Variants in MIA2 observed in about 807,000 individuals in gnomAD.
The protein encoded by MIA2 is melanoma inhibitory activity protein 2.
MIA2 carries 127 observed loss-of-function variants against 167.8 expected under a neutral mutation model. The observed-to-expected ratio is 0.76, with a 90% confidence interval of 0.66 to 0.88. The LOEUF (loss-of-function observed/expected upper bound fraction) is 0.88, where lower values mean the gene tolerates loss of function less well. Ranked by LOEUF, MIA2 falls within the 40% of genes least tolerant of loss-of-function variation. MIA2 has a pLI of 0.00. For missense variants in MIA2, 1,690 were observed against 1,624.7 expected (o/e 1.04, Z -0.69); for synonymous variants, 552 against 541.9 (o/e 1.02, Z -0.26).
At chr14:39,257,955 T>C (rs1488922394) in intron 6 of MIA2, among the ~76,000 whole-genome samples, 1 of 152,252 alleles carries the variant, frequency 6.6e-6, no homozygotes, top group Non-Finnish European at 1.5e-5. Context: ...AGAGATCTGC[T>C]GTTAGTCTGA....
At chr14:39,358,201 A>G (rs1303709599) in intron 23 of MIA2, among the ~76,000 whole-genome samples, 1 of 152,200 alleles carries the variant, frequency 6.6e-6, no homozygotes, top group Non-Finnish European at 1.5e-5. Context: ...AATCAGACAT[A>G]GATTTGGTCT....
At chr14:39,238,793 C>CACAAAAAAAAAAAAAAAAAAAA (rs2053891493) in intron 2 of MIA2, among the ~76,000 whole-genome samples, 1 of 30,806 alleles carries the variant, frequency 3.2e-5, no homozygotes, top group Admixed American at 4.8e-4. Flanking sequence ...GACCCTGTCT[C>CACAAAAAAAAAAAAAAAAAAAA]AAAAAAAAAA....
intron 9 of MIA2, among the ~76,000 whole-genome samples, chr14:39,290,544 G>A (rs1252168500): frequency 6.6e-6 from 1 of 151,982 alleles, no homozygotes; most frequent in Non-Finnish European, 1.5e-5. Context: ...TTGTTGTATG[G>A]TATGGATTAA....
chr14:39,247,480 CAA>C lies in MIA2; in HGVS notation c.908_909del (p.Lys303ThrfsTer20). 1 of 1,613,872 alleles carries C rather than the reference CAA, an allele frequency of 6.2e-7. No individual in the cohort carries two copies. Among genetic ancestry groups the C allele is most frequent in the Admixed American group, 1.7e-5 (1 of 59,970 alleles). On this transcript the variant is annotated frameshift_variant, in exon 4 of 29. Transcript: ENST00000640607. LOFTEE classifies it high-confidence loss of function. ...TAGCATCTGAGTCAGAGCACATTCC[CAA>C]ACCTCAATCCACTGGTTGGTTTGGT... ...ELASESEHIP[K>X]PQSTGWFGGG... is the part of the protein sequence containing the mutation.
intron 23 of MIA2, among the ~76,000 whole-genome samples, chr14:39,359,435 C>T (rs1291498159): frequency 6.6e-6 from 1 of 152,166 alleles, no homozygotes; most frequent in Non-Finnish European, 1.5e-5. Context: ...ACCCGATTTT[C>T]CAGGTGCCAT....
intron 25 of MIA2, among the ~76,000 whole-genome samples, chr14:39,335,151 T>A (rs1430482518): frequency 6.6e-6 from 1 of 152,184 alleles, no homozygotes; most frequent in Admixed American, 6.5e-5. Flanking sequence ...GTAATCTGCC[T>A]CTCTTTTATG....
intron 23 of MIA2, among the ~76,000 whole-genome samples, chr14:39,377,020 T>G (rs2075058514): frequency 1.3e-5 from 2 of 152,202 alleles, no homozygotes. Context: ...AGTCCCGAGT[T>G]TCTATTTTCC....
At chr14:39,277,165 A>G (rs1362665074) in intron 7 of MIA2, 100 bp downstream of exon 7, 1 of 1,429,636 alleles carries the variant, frequency 7.0e-7, no homozygotes, top group Non-Finnish European at 9.4e-7. Context: ...ACAAGTTAGA[A>G]ACTACATAGG....
intron 25 of MIA2, among the ~76,000 whole-genome samples, chr14:39,340,515 T>C (rs937802456): frequency 6.6e-6 from 1 of 152,236 alleles, no homozygotes; most frequent in Non-Finnish European, 1.5e-5. Context: ...TCACTGACTC[T>C]GATTCATAGA....
intron 27 of MIA2, 67 bp downstream of exon 27, chr14:39,347,838 T>TTTTTC: frequency 5.2e-6 from 7 of 1,346,914 alleles, no homozygotes; most frequent in Admixed American, 2.5e-5. Context: ...TTTTTTTTTT[T>TTTTTC]TTTATGGAGT....
At chr14:39,351,202 A>G (rs2074355788), downstream of MIA2, 1 of 152,146 alleles carries the variant, frequency 6.6e-6, no homozygotes, top group Admixed American at 6.5e-5. Context: ...AACGTTGCCC[A>G]GTTGGTTGTT....
chr14:39,306,305 A>G (rs1318122926), intron 17 of MIA2, among the ~76,000 whole-genome samples: 5 of 152,206 alleles, frequency 3.3e-5, no homozygotes, highest in African/African-American at 1.2e-4. Flanking sequence ...AAGAGGTTTA[A>G]CTGGCTCATG....
chr14:39,251,631 C>G (rs1037181119), intron 4 of MIA2, among the ~76,000 whole-genome samples: 2 of 151,958 alleles, frequency 1.3e-5, no homozygotes, highest in Non-Finnish European at 2.9e-5. Flanking sequence ...CTACTTGAGT[C>G]CTGTATGTAC....
intron 23 of MIA2, among the ~76,000 whole-genome samples, chr14:39,319,863 T>C (rs1356260918): frequency 1.3e-5 from 2 of 152,090 alleles, no homozygotes; most frequent in African/African-American, 2.4e-5. Context: ...TCTCAAACTA[T>C]TGCAAACAGT....
intron 24 of MIA2, among the ~76,000 whole-genome samples, chr14:39,325,613 C>T (rs529805591): frequency 1.2e-4 from 18 of 151,908 alleles, no homozygotes; most frequent in Middle Eastern, 3.4e-3. Context: ...GTGACCCGCC[C>T]GCCTTGACCT....
chr14:39,297,175 C>G (rs72675418), intron 13 of MIA2, among the ~76,000 whole-genome samples: 30,453 of 151,580 alleles, frequency 0.2, 3,041 homozygotes, highest in Middle Eastern at 0.28. Context: ...CTCACTATAA[C>G]CTCTGCTGCC....
chr14:39,360,799 T>G (rs778580541), intron 23 of MIA2, among the ~76,000 whole-genome samples: 2 of 152,186 alleles, frequency 1.3e-5, no homozygotes, highest in Non-Finnish European at 2.9e-5. Flanking sequence ...GGGCCTTATG[T>G]TTAGGTGTTT....
chr14:39,246,983 T>C lies in MIA2; in HGVS notation c.409T>C (p.Tyr137His). 6.4e-7 allele frequency: 1 copy of C among 1,556,716 alleles called. No individual in the cohort carries two copies. The highest frequency in any genetic ancestry group is 8.6e-7 in the Non-Finnish European group (1 of 1,157,704). ...DNEDSELNGDYGENIYPYEED... is the reference protein window; with the variant it reads ...DNEDSELNGDHGENIYPYEED... ...TGAAGATAGTGAATTAAACGGTGAT[T>C]ATGGTGAAAATATATATCCTTATGA... The change falls in exon 4 of 29, where the codon TAT (tyrosine) becomes CAT (histidine). Residue 137 changes from tyrosine to histidine, a missense_variant. Coordinates refer to ENST00000640607, the MANE Select transcript of MIA2 (RefSeq NM_001329214.4).
intron 6 of MIA2, chr14:39,267,504 C>T (rs1360181708): frequency 9.3e-6 from 15 of 1,613,466 alleles, no homozygotes; most frequent in Non-Finnish European, 1.3e-5. Context: ...TGGGGCTGCT[C>T]CTGGAGGAGC....
Sources: gnomAD v4.1 joint callset for allele counts (sites outside exome capture counted in the v4.1 genomes callset) on GRCh38, gnomAD v4.1.1 for gene constraint, MANE v1.5 for transcripts, NCBI Gene and HGNC (gene_info 2026-07-23, HGNC 2026-07-21) for gene names.